GPR158: variants seen among roughly 807,000 people sequenced by gnomAD.
The protein encoded by GPR158 is metabotropic glycine receptor.
Under a neutral mutation model 78.2 loss-of-function variants are expected in GPR158, and 30 were observed. The observed-to-expected ratio is 0.38, with a 90% CI of 0.29 to 0.52. The LOEUF is 0.52. Among genes scored for constraint, GPR158 ranks in the 20% least tolerant of loss-of-function variants. GPR158 has a pLI of 0.83. For missense variants in GPR158, 1,463 were observed against 1,523.5 expected (o/e 0.96, Z 0.66); for synonymous variants, 581 against 591.1 (o/e 0.98, Z 0.25).
At chr10:25,204,842 T>C (rs1288775920) in intron 1 of GPR158, among the ~76,000 whole-genome samples, 1 of 148,504 alleles carries the variant, frequency 6.7e-6, no homozygotes, top group Non-Finnish European at 1.5e-5. Context: ...TTTTTGTCAT[T>C]TCGGTGGGGT....
intron 2 of GPR158, among the ~76,000 whole-genome samples, chr10:25,222,650 T>C (rs1853314674): frequency 6.6e-6 from 1 of 152,232 alleles, no homozygotes; most frequent in Non-Finnish European, 1.5e-5. Context: ...GTGAATATCT[T>C]TAGCCTGATT....
intron 2 of GPR158, among the ~76,000 whole-genome samples, chr10:25,379,892 C>CTT (rs34353740): frequency 0.011 from 1,653 of 148,532 alleles, 4 homozygotes; most frequent in Non-Finnish European, 0.016. Flanking sequence ...TATTTACCTC[C>CTT]TTTTTTTTTT....
chr10:25,390,130 G>C (rs1359875867), intron 2 of GPR158, among the ~76,000 whole-genome samples: 1 of 152,178 alleles, frequency 6.6e-6, no homozygotes, highest in Non-Finnish European at 1.5e-5. Flanking sequence ...GTGGAACTGT[G>C]AGTCTTTTAA....
chr10:25,365,927 C>T (rs1855715827), intron 2 of GPR158, among the ~76,000 whole-genome samples: 1 of 151,652 alleles, frequency 6.6e-6, no homozygotes, highest in South Asian at 2.1e-4. Context: ...TGGTTTTTAA[C>T]ACTGTATATT....
intron 7 of GPR158, among the ~76,000 whole-genome samples, chr10:25,577,990 A>G (rs1322753310): frequency 1.3e-5 from 2 of 152,246 alleles, no homozygotes; most frequent in African/African-American, 4.8e-5. Context: ...TCTGGTGGAA[A>G]GAGTTTTAAA....
intron 1 of GPR158, among the ~76,000 whole-genome samples, chr10:25,200,868 G>GGTTTTTTTTTTTTTTTTTTTTTTTTTTT (rs1852915005): frequency 1.8e-5 from 2 of 113,304 alleles, no homozygotes; most frequent in African/African-American, 3.0e-5. Context: ...TTTTTGTTTT[G>GGTTTTTTTTTTTTTTTTTTTTTTTTTTT]TTTTTTTTTT....
At chr10:25,209,254 A>G (rs1853095121) in intron 1 of GPR158, among the ~76,000 whole-genome samples, 1 of 152,158 alleles carries the variant, frequency 6.6e-6, no homozygotes, top group Non-Finnish European at 1.5e-5. Flanking sequence ...CTACTGTTAG[A>G]TCTATGTACC....
chr10:25,377,401 TA>T (rs1219755915), intron 2 of GPR158, among the ~76,000 whole-genome samples: 1 of 152,080 alleles, frequency 6.6e-6, no homozygotes, highest in Middle Eastern at 3.2e-3. Context: ...ATTCACATAC[TA>T]TAAAATTTAC....
At chr10:25,457,645 C>CT (rs1377185168) in intron 4 of GPR158, among the ~76,000 whole-genome samples, 2 of 152,134 alleles carry the variant, frequency 1.3e-5, no homozygotes, top group Non-Finnish European at 1.5e-5. Context: ...ATTTGAAAGG[C>CT]TTCTTAGCCA....
intron 4 of GPR158, among the ~76,000 whole-genome samples, chr10:25,426,562 C>A (rs554385045): frequency 6.6e-6 from 1 of 151,816 alleles, no homozygotes; most frequent in East Asian, 1.9e-4. Context: ...GGAATAGGGC[C>A]CAAGGATGGG....
intron 2 of GPR158, among the ~76,000 whole-genome samples, chr10:25,291,847 TTA>T (rs1854440992): frequency 8.7e-6 from 1 of 114,458 alleles, no homozygotes; most frequent in South Asian, 3.5e-4. Context: ...GATGATATAG[TTA>T]ATATTAATAG....
At chr10:25,301,827 A>G (rs950053608) in intron 2 of GPR158, among the ~76,000 whole-genome samples, 31 of 152,064 alleles carry the variant, frequency 2.0e-4, no homozygotes, top group African/African-American at 7.5e-4. Flanking sequence ...CCACTTGCCA[A>G]TAAGATGTGT....
intron 5 of GPR158, among the ~76,000 whole-genome samples, chr10:25,476,867 T>C (rs1835593089): frequency 6.6e-6 from 1 of 152,102 alleles, no homozygotes; most frequent in South Asian, 2.1e-4. Flanking sequence ...AAACCAGGAA[T>C]CAATTCATAA....
intron 5 of GPR158, among the ~76,000 whole-genome samples, chr10:25,503,909 G>C (rs1200548343): frequency 1.2e-5 from 1 of 83,924 alleles, no homozygotes; most frequent in African/African-American, 4.4e-5. Context: ...TTTTTTTTTT[G>C]AGACAGAGCC....
At chr10:25,345,308 A>G (rs1855358149) in intron 2 of GPR158, among the ~76,000 whole-genome samples, 1 of 151,926 alleles carries the variant, frequency 6.6e-6, no homozygotes. Context: ...CCACTTGGCA[A>G]GGCTCTTGAC....
At chr10:25,316,815 G>C (rs548427932) in intron 2 of GPR158, among the ~76,000 whole-genome samples, 1 of 151,568 alleles carries the variant, frequency 6.6e-6, no homozygotes, top group African/African-American at 2.4e-5. Flanking sequence ...ACACAGTTTG[G>C]GAATCATTGG....
At chr10:25,346,220 GC>G (rs1460368818) in intron 2 of GPR158, among the ~76,000 whole-genome samples, 57 of 148,256 alleles carry the variant, frequency 3.8e-4, no homozygotes, top group Non-Finnish European at 7.2e-4. Context: ...GTTTCTGGGT[GC>G]TCTCAATTAT....
intron 7 of GPR158, among the ~76,000 whole-genome samples, chr10:25,578,766 G>A (rs772346001): frequency 2.6e-5 from 4 of 152,138 alleles, no homozygotes; most frequent in Non-Finnish European, 4.4e-5. Flanking sequence ...CCAGCACTTT[G>A]GGAGGCCGAG....
chr10:25,569,152 G>A (rs1487086212), intron 6 of GPR158, among the ~76,000 whole-genome samples: 1 of 152,128 alleles, frequency 6.6e-6, no homozygotes, highest in Admixed American at 6.5e-5. Context: ...ACTCATGAGG[G>A]ATTTTGCTTT....
Sources: gnomAD v4.1 joint callset for allele counts (sites outside exome capture counted in the v4.1 genomes callset) on GRCh38, gnomAD v4.1.1 for gene constraint, MANE v1.5 for transcripts, NCBI Gene and HGNC (gene_info 2026-07-23, HGNC 2026-07-21) for gene names.